The following IGF1R variants were observed in gnomAD, a reference collection of about 807,000 sequenced individuals.
IGF1R encodes the protein insulin like growth factor 1 receptor.
IGF1R carries 44 observed loss-of-function variants against 144.6 expected under a neutral mutation model. That is an observed-to-expected ratio of 0.30 (90% confidence interval 0.24 to 0.39). IGF1R has a LOEUF of 0.39. IGF1R is among the 10% of genes least tolerant of loss of function. IGF1R has a pLI of 1.00. For synonymous variants in IGF1R, 795 were observed against 722.8 expected, an observed-to-expected ratio of 1.10 and a Z score of -1.60; for missense variants, 1,355 against 1,833.7, an observed-to-expected ratio of 0.74 and a Z score of 4.77.
rs182114660 is a variant in IGF1R at position 98,663,024 on chromosome 15, C to T, written c.94+13349C>T. 3.9e-5 allele frequency among the ~76,000 whole-genome samples: 6 copies of T among 152,236 alleles called. No homozygotes were observed. The East Asian group carries it at 1.2e-3, about 29-fold the overall frequency. On this transcript the variant is annotated intron_variant, in intron 1 of 20. Coordinates refer to ENST00000650285, the MANE Select transcript of IGF1R (RefSeq NM_000875.5). ...GAGTCAGGATTGGGGGACAGATAGA[C>T]ACCCCGGTGTGAGCCAGTGATGGTA...
intron 2 of IGF1R, among the ~76,000 whole-genome samples, chr15:98,853,440 A>T (rs934177290): frequency 1.3e-5 from 2 of 152,248 alleles, no homozygotes; most frequent in Non-Finnish European, 2.9e-5. Flanking sequence ...GGCTCCAAGC[A>T]GGAAGCGCAG....
chr15:98,703,619 G>A (rs769310673), intron 1 of IGF1R, among the ~76,000 whole-genome samples: 14 of 152,158 alleles, frequency 9.2e-5, no homozygotes, highest in Non-Finnish European at 4.4e-5. Flanking sequence ...TTCTATAAAT[G>A]GGAGGAAAAG....
chr15:98,739,028 T>C (rs1337010696), intron 2 of IGF1R, among the ~76,000 whole-genome samples: 2 of 152,236 alleles, frequency 1.3e-5, no homozygotes, highest in African/African-American at 4.8e-5. Flanking sequence ...CTTGCCTTGC[T>C]TCACAACTTC....
chr15:98,789,234 G>C (rs1280868076), intron 2 of IGF1R, among the ~76,000 whole-genome samples: 1 of 152,158 alleles, frequency 6.6e-6, no homozygotes, highest in East Asian at 1.9e-4. Context: ...TTTGAAAGAA[G>C]AAAACCCTCA....
intron 2 of IGF1R, chr15:98,890,427 A>G (rs889067514): frequency 6.6e-6 from 1 of 152,216 alleles, no homozygotes; most frequent in Non-Finnish European, 1.5e-5. Context: ...TACATGTCAT[A>G]GCAACATCAG....
chr15:98,688,355 A>ACG (rs386383978), intron 1 of IGF1R, among the ~76,000 whole-genome samples: 1 of 68,120 alleles, frequency 1.5e-5, no homozygotes, highest in African/African-American at 6.0e-5. Context: ...TTCCCCCCAC[A>ACG]CTCTCTCTCC....
At chr15:98,717,415 A>G (rs1334457402) in intron 2 of IGF1R, among the ~76,000 whole-genome samples, 2 of 152,024 alleles carry the variant, frequency 1.3e-5, no homozygotes, top group African/African-American at 4.8e-5. Context: ...TGTTGACTAT[A>G]TATGTTCACT....
chr15:98,689,698 G>A (rs911584223), intron 1 of IGF1R, among the ~76,000 whole-genome samples: 3 of 152,222 alleles, frequency 2.0e-5, no homozygotes, highest in Non-Finnish European at 2.9e-5. Context: ...GCCACACTTT[G>A]CTGCCATCAC....
At chr15:98,945,691 A>G (rs2016523985) in intron 19 of IGF1R, among the ~76,000 whole-genome samples, 1 of 152,108 alleles carries the variant, frequency 6.6e-6, no homozygotes, top group South Asian at 2.1e-4. Context: ...CTCCATCTGT[A>G]AGGCAAGGTC....
chr15:98,847,457 A>G (rs2011376483), intron 2 of IGF1R, among the ~76,000 whole-genome samples: 1 of 152,186 alleles, frequency 6.6e-6, no homozygotes. Flanking sequence ...CCTGCATTTG[A>G]ATCTGCTTTC....
intron 1 of IGF1R, among the ~76,000 whole-genome samples, chr15:98,692,750 GC>G (rs2141234730): frequency 6.6e-6 from 1 of 152,258 alleles, no homozygotes; most frequent in African/African-American, 2.4e-5. Flanking sequence ...TTGGTCATAT[GC>G]CCCAGCATTT....
chr15:98,739,573 T>G (rs1027150688), intron 2 of IGF1R, among the ~76,000 whole-genome samples: 8 of 151,764 alleles, frequency 5.3e-5, no homozygotes, highest in African/African-American at 1.9e-4. Context: ...ATTATGAAAG[T>G]AGAAAATAGC....
intron 2 of IGF1R, among the ~76,000 whole-genome samples, chr15:98,840,166 T>C (rs1009213894): frequency 2.0e-5 from 3 of 152,178 alleles, no homozygotes; most frequent in African/African-American, 4.8e-5. Flanking sequence ...CAGGGAGGAC[T>C]GTCACGGACT....
intron 5 of IGF1R, among the ~76,000 whole-genome samples, chr15:98,904,553 G>C (rs2014638793): frequency 6.6e-6 from 1 of 152,330 alleles, no homozygotes; most frequent in Admixed American, 6.5e-5. Context: ...AAACCAGCCT[G>C]TTTGCAGATG....
chr15:98,889,731 T>G (rs527952294), intron 2 of IGF1R, among the ~76,000 whole-genome samples: 1 of 152,324 alleles, frequency 6.6e-6, no homozygotes, highest in African/African-American at 2.4e-5. Flanking sequence ...TGTGGGTAGG[T>G]GGACTTACTT....
At chr15:98,805,768 G>A (rs1161431356) in intron 2 of IGF1R, among the ~76,000 whole-genome samples, 6 of 152,156 alleles carry the variant, frequency 3.9e-5, no homozygotes, top group African/African-American at 9.7e-5. Flanking sequence ...TTTTGTAAAC[G>A]CACATAAAGG....
intron 2 of IGF1R, among the ~76,000 whole-genome samples, chr15:98,842,438 G>A (rs1429625076): frequency 6.6e-6 from 1 of 152,172 alleles, no homozygotes; most frequent in Non-Finnish European, 1.5e-5. Context: ...TTTGAAATGA[G>A]GACAGGGAAA....
At chr15:98,946,430 C>G (rs750883797) in intron 19 of IGF1R, among the ~76,000 whole-genome samples, 1 of 152,098 alleles carries the variant, frequency 6.6e-6, no homozygotes, top group African/African-American at 2.4e-5. Context: ...TCTTGTTAGC[C>G]GGAGTATACA....
chr15:98,674,725 A>C (rs1447083920), intron 1 of IGF1R, among the ~76,000 whole-genome samples: 2 of 152,176 alleles, frequency 1.3e-5, no homozygotes, highest in African/African-American at 4.8e-5. Flanking sequence ...TCTCTCTATA[A>C]AAGGAAAATA....
Sources: allele counts gnomAD v4.1 joint callset (sites outside exome capture counted in the v4.1 genomes callset), GRCh38; gene constraint gnomAD v4.1.1; transcripts MANE v1.5; gene names NCBI Gene and HGNC (gene_info 2026-07-23, HGNC 2026-07-21).